The following OR2W3 variants were observed in gnomAD, a reference collection of about 807,000 sequenced individuals.
OR2W3 encodes the protein olfactory receptor family 2 subfamily W member 3, also known as olfactory receptor 2W3.
For missense variants in OR2W3, 448 were observed against 397.0 expected, an observed-to-expected ratio of 1.13 and a Z score of -1.09; for synonymous variants, 196 against 168.2, an observed-to-expected ratio of 1.17 and a Z score of -1.28.
rs773034036 is a variant in OR2W3 at position 247,896,153 on chromosome 1, C to T, written c.567C>T (p.Cys189=). 11 of 1,613,996 alleles carry T rather than the reference C, an allele frequency of 6.8e-6. No homozygotes were observed. The highest frequency in any genetic ancestry group is 1.6e-4 in the Middle Eastern group (1 of 6,084). The change falls in exon 1 of 1, where the codon TGC becomes TGT. Residue 189 remains cysteine (C), a synonymous_variant. Coordinates refer to ENST00000360358, the MANE Select transcript of OR2W3 (RefSeq NM_001001957.2). ...REMPALIRMA[C]VSTVAIEGTV... is the part of the protein sequence containing the mutation. ...TGCCCGCCCTGATCCGGATGGCCTG[C>T]GTCAGCACTGTGGCCATCGAAGGCA...
Position 247,896,475 on chromosome 1 carries a change from G to T in OR2W3, c.889G>T (p.Val297Leu), listed in dbSNP as rs746858959. 1 of 1,609,266 alleles carries T rather than the reference G, an allele frequency of 6.2e-7. No homozygotes were observed. Among genetic ancestry groups the T allele is most frequent in the South Asian group, 1.1e-5 (1 of 90,730 alleles). ...PLIYTLRNRE[V>L]KGALGRLLLG... ...CATCTACACCCTCAGAAACAGAGAG[G>T]TGAAGGGGGCACTGGGAAGGTTGCT... The change falls in exon 1 of 1, where the codon GTG becomes TTG. Residue 297 changes from valine (V) to leucine (L), a missense_variant. Transcript: ENST00000360358.
Position 247,895,816 on chromosome 1 carries a change from C to G in OR2W3, c.230C>G (p.Ser77Cys), listed in dbSNP as rs369261817. ...CTGGACCTCAGTTTCACCACCAGCT[C>G]CATCCCCCAGCTGCTCTACAACCTT... ...SFLDLSFTTS[S>C]IPQLLYNLNG... The change falls in exon 1 of 1, where the codon TCC (serine) becomes TGC (cysteine). Residue 77 changes from serine to cysteine, a missense_variant. Physicochemically the swap from Ser to Cys is moderately radical, Grantham distance 112 (BLOSUM62 -1). Transcript: ENST00000360358. 1 of 1,613,998 alleles carries G rather than the reference C, an allele frequency of 6.2e-7. No homozygotes were observed.
chr1:247,895,775 C>T lies in OR2W3; in HGVS notation c.189C>T (p.Leu63=), dbSNP rs201464457. 26 of 1,614,076 alleles carry T rather than the reference C, an allele frequency of 1.6e-5. No individual in the cohort carries two copies. Among genetic ancestry groups the T allele is most frequent in the South Asian group, 9.9e-5 (9 of 91,068 alleles). The change falls in exon 1 of 1, where the codon CTC becomes CTT. Residue 63 remains leucine, a synonymous_variant. Coordinates refer to ENST00000360358, the MANE Select transcript of OR2W3 (RefSeq NM_001001957.2). ...PHLHTPMYFF[L]AHLSFLDLSF... ...TCCACACCCCCATGTACTTCTTCCTCGCCCACCTTTCCTTCCTGGACCTCA... is the reference window on the plus strand; with the variant it reads ...TCCACACCCCCATGTACTTCTTCCTTGCCCACCTTTCCTTCCTGGACCTCA...
Position 247,896,310 on chromosome 1 carries a change from G to A in OR2W3, c.724G>A (p.Gly242Ser), listed in dbSNP as rs369250388. ...SGRQKAFGTC[G>S]SHLTVVSLFY... ...AAGGCAGAAGGCCTTCGGCACCTGCGGCTCCCATCTCACTGTGGTCTCCCT... is the reference window on the plus strand; with the variant it reads ...AAGGCAGAAGGCCTTCGGCACCTGCAGCTCCCATCTCACTGTGGTCTCCCT... The change falls in exon 1 of 1, where the codon GGC becomes AGC. Residue 242 changes from glycine to serine, a missense_variant. Physicochemically the swap from Gly to Ser is moderately conservative, Grantham distance 56 (BLOSUM62 0). Coordinates refer to ENST00000360358, the MANE Select transcript of OR2W3 (RefSeq NM_001001957.2). The A allele has an allele frequency of 5.4e-5, 87 of 1,614,126 alleles. No individual in the cohort carries two copies. Among genetic ancestry groups the A allele is most frequent in the East Asian group, 3.6e-4 (16 of 44,880 alleles).
rs1659596315 is a variant in OR2W3, at chr1:247,895,845, G to A, written c.259G>A (p.Gly87Arg). 6.2e-7 allele frequency: 1 copy of A among 1,613,884 alleles called. No individual in the cohort carries two copies. Among genetic ancestry groups the A allele is most frequent in the Admixed American group, 1.7e-5 (1 of 59,988 alleles). Reference protein sequence around the residue: ...SIPQLLYNLNGCDKTISYMGC... With the variant: ...SIPQLLYNLNRCDKTISYMGC... ...CCCCCAGCTGCTCTACAACCTTAAT[G>A]GATGTGACAAGACCATCAGCTACAT... Residue 87 changes from glycine to arginine, a missense_variant, in exon 1 of 1, where the codon GGA becomes AGA. Physicochemically the swap from Gly to Arg is moderately radical, Grantham distance 125. Coordinates refer to ENST00000360358, the MANE Select transcript of OR2W3 (RefSeq NM_001001957.2).
Position 247,896,272 on chromosome 1 carries a change from G to T in OR2W3, c.686G>T (p.Arg229Leu), listed in dbSNP as rs750858075. ...ATTGTGAGGGCTGTGTTACAAATTCGGTCAGCATCAGGAAGGCAGAAGGCC... is the reference window on the plus strand; with the variant it reads ...ATTGTGAGGGCTGTGTTACAAATTCTGTCAGCATCAGGAAGGCAGAAGGCC... ...SYIVRAVLQI[R>L]SASGRQKAFG... Residue 229 changes from arginine to leucine, a missense_variant, in exon 1 of 1, where the codon CGG becomes CTG. By Grantham distance (102) the Arg-to-Leu change is moderately radical. Coordinates refer to ENST00000360358, the MANE Select transcript of OR2W3 (RefSeq NM_001001957.2). 12 of 1,614,142 alleles carry T rather than the reference G, an allele frequency of 7.4e-6. No individual in the cohort carries two copies. The highest frequency in any genetic ancestry group is 1.0e-5 in the Non-Finnish European group (12 of 1,180,030).
In OR2W3 at chr1:247,895,870, T is replaced by C. The variant is rs756006680; in HGVS notation, c.284T>C (p.Met95Thr). 29 of 1,614,014 alleles carry C rather than the reference T, an allele frequency of 1.8e-5. No individual in the cohort carries two copies. The highest frequency in any genetic ancestry group is 2.3e-5 in the Non-Finnish European group (27 of 1,180,014). ...GGATGTGACAAGACCATCAGCTACA[T>C]GGGCTGTGCCATCCAGCTCTTCCTG... Reference protein sequence around the residue: ...LNGCDKTISYMGCAIQLFLFL... With the variant: ...LNGCDKTISYTGCAIQLFLFL... Residue 95 changes from methionine to threonine, a missense_variant, in exon 1 of 1, where the codon ATG (methionine) becomes ACG (threonine). Physicochemically the swap from Met to Thr is moderately conservative, Grantham distance 81. Transcript: ENST00000360358.
Position 247,895,791 on chromosome 1 carries a change from C to A in OR2W3, c.205C>A (p.Leu69Met), listed in dbSNP as rs1180408579. 6.2e-7 allele frequency: 1 copy of A among 1,614,064 alleles called. No homozygotes were observed. Among genetic ancestry groups the A allele is most frequent in the Non-Finnish European group, 8.5e-7 (1 of 1,179,956 alleles). ...MYFFLAHLSF[L>M]DLSFTTSSIP... Reference sequence around the variant, plus strand: ...CTTCTTCCTCGCCCACCTTTCCTTCCTGGACCTCAGTTTCACCACCAGCTC... The same window carrying A: ...CTTCTTCCTCGCCCACCTTTCCTTCATGGACCTCAGTTTCACCACCAGCTC... Residue 69 changes from leucine (L) to methionine (M), a missense_variant, in exon 1 of 1, where the codon CTG becomes ATG. By Grantham distance (15) the Leu-to-Met change is conservative. Transcript: ENST00000360358.
At position 247,895,642 on chromosome 1, in the gene OR2W3, A is replaced by G; in HGVS notation, c.56A>G (p.Asp19Gly). The change falls in exon 1 of 1, where the codon GAC (aspartate) becomes GGC (glycine). Residue 19 changes from aspartate (D) to glycine (G), a missense_variant. Transcript: ENST00000360358. Reference sequence around the variant, plus strand: ...CATTTCATCCTACTGGGATTCTCTGACCGACCCCATCTGGAGAGGATCCTC... The same window carrying G: ...CATTTCATCCTACTGGGATTCTCTGGCCGACCCCATCTGGAGAGGATCCTC... Reference protein sequence around the residue: ...QTHFILLGFSDRPHLERILFV... With the variant: ...QTHFILLGFSGRPHLERILFV... 2 of 1,613,972 alleles carry G rather than the reference A, an allele frequency of 1.2e-6. No individual in the cohort carries two copies. The highest frequency in any genetic ancestry group is 1.1e-5 in the South Asian group (1 of 91,070).
chr1:247,895,729 T>C lies in OR2W3; in HGVS notation c.143T>C (p.Val48Ala), dbSNP rs554136387. 7 of 1,613,858 alleles carry C rather than the reference T, an allele frequency of 4.3e-6. No individual in the cohort carries two copies. In the African/African-American group the frequency reaches 6.7e-5, roughly 15 times the overall value. The change falls in exon 1 of 1, where the codon GTG becomes GCG. Residue 48 changes from valine (V) to alanine (A), a missense_variant. By Grantham distance (64) the Val-to-Ala change is moderately conservative (BLOSUM62 0). Coordinates refer to ENST00000360358, the MANE Select transcript of OR2W3 (RefSeq NM_001001957.2). ...GTAGGCAACACCACCATCATCCTGG[T>C]GTCCCGGCTGGACCCCCACCTCCAC... ...TLVGNTTIILVSRLDPHLHTP... is the reference protein window; with the variant it reads ...TLVGNTTIILASRLDPHLHTP...
rs1266641024 is a variant in OR2W3 at position 247,895,648 on chromosome 1, C to A, written c.62C>A (p.Pro21His). ...ATCCTACTGGGATTCTCTGACCGAC[C>A]CCATCTGGAGAGGATCCTCTTTGTG... ...HFILLGFSDR[P>H]HLERILFVVI... The change falls in exon 1 of 1, where the codon CCC becomes CAC. Residue 21 changes from proline to histidine, a missense_variant. By Grantham distance (77) the Pro-to-His change is moderately conservative (BLOSUM62 -2). Coordinates refer to ENST00000360358, the MANE Select transcript of OR2W3 (RefSeq NM_001001957.2). The A allele has an allele frequency of 6.2e-7, 1 of 1,613,812 alleles. No individual in the cohort carries two copies. Among genetic ancestry groups the A allele is most frequent in the African/African-American group, 1.3e-5 (1 of 74,838 alleles).
chr1:247,896,338 T>G lies in OR2W3; in HGVS notation c.752T>G (p.Phe251Cys), dbSNP rs543931972. The G allele has an allele frequency of 3.1e-6, 5 of 1,614,068 alleles. No individual in the cohort carries two copies. The highest frequency in any genetic ancestry group is 4.2e-6 in the Non-Finnish European group (5 of 1,180,038). The change falls in exon 1 of 1, where the codon TTC becomes TGC. Residue 251 changes from phenylalanine to cysteine, a missense_variant. Physicochemically the swap from Phe to Cys is radical, Grantham distance 205. Transcript: ENST00000360358. The stretch of plus-strand genomic sequence containing the variant: ...TCCCATCTCACTGTGGTCTCCCTTT[T>G]CTATGGAAACATCATCTACATGTAC... ...CGSHLTVVSLFYGNIIYMYMQ... is the reference protein window; with the variant it reads ...CGSHLTVVSLCYGNIIYMYMQ...
rs1324911338 is a variant in OR2W3, at chr1:247,895,969, A to G, written c.383A>G (p.Lys128Arg). ...MAYDRCVAIC[K>R]PLHYMVIMNP... ...TATGACCGGTGTGTGGCTATCTGCA[A>G]GCCCCTGCACTACATGGTGATCATG... Residue 128 changes from lysine to arginine, a missense_variant, in exon 1 of 1, where the codon AAG (lysine) becomes AGG (arginine). Transcript: ENST00000360358. The G allele has an allele frequency of 6.2e-7, 1 of 1,614,072 alleles. No individual in the cohort carries two copies. Among genetic ancestry groups the G allele is most frequent in the Admixed American group, 1.7e-5 (1 of 60,006 alleles).
Sources: gnomAD v4.1 joint callset for allele counts on GRCh38, gnomAD v4.1.1 for gene constraint, MANE v1.5 for transcripts, NCBI Gene and HGNC (gene_info 2026-07-23, HGNC 2026-07-21) for gene names.